The following GALNT10 variants were observed in gnomAD, a reference collection of about 807,000 sequenced individuals.
GALNT10 encodes the protein polypeptide N-acetylgalactosaminyltransferase 10, also known as GalNAc transferase 10.
Under a neutral mutation model 75.0 loss-of-function variants are expected in GALNT10, and 41 were observed. That is an observed-to-expected ratio of 0.55 (90% CI 0.43 to 0.71). GALNT10 has a LOEUF of 0.71. Among genes scored for constraint, GALNT10 ranks in the 30% least tolerant of loss-of-function variants. GALNT10 has a pLI of 0.00. For missense variants in GALNT10, 727 were observed against 818.5 expected, an observed-to-expected ratio of 0.89 and a Z score of 1.36; for synonymous variants, 302 against 313.0, an observed-to-expected ratio of 0.96 and a Z score of 0.37.
intron 4 of GALNT10, among the ~76,000 whole-genome samples, chr5:154,331,554 G>C (rs1036745156): frequency 7.9e-5 from 12 of 152,166 alleles, no homozygotes; most frequent in Non-Finnish European, 1.6e-4. Flanking sequence ...TTAGTTAATA[G>C]ATGTCTATCA....
intron 1 of GALNT10, among the ~76,000 whole-genome samples, chr5:154,236,166 A>G (rs1351693656): frequency 6.6e-6 from 1 of 152,134 alleles, no homozygotes; most frequent in Non-Finnish European, 1.5e-5. Flanking sequence ...CACAGTTCCA[A>G]TCTGTCACTC....
At chr5:154,327,072 C>T (rs1754766260) in intron 3 of GALNT10, among the ~76,000 whole-genome samples, 1 of 151,818 alleles carries the variant, frequency 6.6e-6, no homozygotes, top group South Asian at 2.1e-4. Context: ...CAAAAATTAG[C>T]CAGGCAGAGG....
chr5:154,315,196 C>T (rs1754579139), intron 3 of GALNT10, among the ~76,000 whole-genome samples: 1 of 152,056 alleles, frequency 6.6e-6, no homozygotes, highest in Admixed American at 6.5e-5. Flanking sequence ...TTTTTTAATC[C>T]AGGGAACAGA....
intron 1 of GALNT10, among the ~76,000 whole-genome samples, chr5:154,199,519 A>G (rs1774992779): frequency 6.6e-6 from 1 of 152,188 alleles, no homozygotes; most frequent in Admixed American, 6.5e-5. Flanking sequence ...GCTCCAGTTC[A>G]GGACAGGGAT....
intron 1 of GALNT10, among the ~76,000 whole-genome samples, chr5:154,246,993 G>A (rs1326075735): frequency 6.6e-6 from 1 of 152,170 alleles, no homozygotes; most frequent in African/African-American, 2.4e-5. Context: ...TGTATAAGGT[G>A]TAAGGAAGGG....
chr5:154,197,628 G>T (rs1403385927), intron 1 of GALNT10, among the ~76,000 whole-genome samples: 1 of 152,088 alleles, frequency 6.6e-6, no homozygotes, highest in Non-Finnish European at 1.5e-5. Flanking sequence ...ATGTTAAATT[G>T]TCTTCAGTTT....
At chr5:154,381,457 G>A (rs998015308) in intron 6 of GALNT10, among the ~76,000 whole-genome samples, 7 of 152,196 alleles carry the variant, frequency 4.6e-5, no homozygotes, top group South Asian at 2.1e-4. Flanking sequence ...GTTCTCCTGC[G>A]ACACGTGTGG....
chr5:154,404,531 G>A (rs1756232428), intron 8 of GALNT10, among the ~76,000 whole-genome samples: 1 of 151,958 alleles, frequency 6.6e-6, no homozygotes, highest in Non-Finnish European at 1.5e-5. Flanking sequence ...TGTGACAGAG[G>A]AGACGATCTT....
intron 6 of GALNT10, among the ~76,000 whole-genome samples, chr5:154,384,681 C>A (rs1321236464): frequency 6.6e-6 from 1 of 152,212 alleles, no homozygotes; most frequent in Admixed American, 6.5e-5. Context: ...TTCCGAATTT[C>A]TCACGCCCTG....
chr5:154,263,570 A>G (rs1753732940), intron 1 of GALNT10, among the ~76,000 whole-genome samples: 1 of 152,220 alleles, frequency 6.6e-6, no homozygotes, highest in Non-Finnish European at 1.5e-5. Flanking sequence ...TAGATAGCTT[A>G]TAAACAACAG....
At chr5:154,316,182 C>G (rs567783285) in intron 3 of GALNT10, among the ~76,000 whole-genome samples, 1 of 152,322 alleles carries the variant, frequency 6.6e-6, no homozygotes, top group African/African-American at 2.4e-5. Flanking sequence ...ACTTGCCAAG[C>G]CAACAGGCAC....
chr5:154,410,444 TGGGAGGCTGA>T (rs900205841), intron 9 of GALNT10, among the ~76,000 whole-genome samples: 8 of 151,410 alleles, frequency 5.3e-5, no homozygotes, highest in African/African-American at 1.5e-4. Flanking sequence ...TGCAGCAACT[TGGGAGGCTGA>T]GGCAGGAGAA....
intron 1 of GALNT10, among the ~76,000 whole-genome samples, chr5:154,222,968 A>G (rs892725344): frequency 6.6e-6 from 1 of 152,202 alleles, no homozygotes; most frequent in African/African-American, 2.4e-5. Flanking sequence ...AGGGATAAGT[A>G]AGACATTGAA....
intron 4 of GALNT10, among the ~76,000 whole-genome samples, chr5:154,338,912 G>A (rs1043413932): frequency 6.6e-6 from 1 of 152,224 alleles, no homozygotes; most frequent in Admixed American, 6.5e-5. Flanking sequence ...AGCAGGTATG[G>A]AACCATGGCC....
chr5:154,412,635 A>T lies in GALNT10; in HGVS notation c.1387-254A>T. The T allele has an allele frequency of 2.7e-6, 1 of 370,578 alleles. No individual in the cohort carries two copies. Among genetic ancestry groups the T allele is most frequent in the Non-Finnish European group, 5.0e-6 (1 of 199,062 alleles). 23.0% of individuals were successfully genotyped at this position (370,578 alleles called of 1,614,324 possible). Reference sequence around the variant, plus strand: ...ACCAACTCCTCACCTCCACTCCCCCACCACCAACCCAGGACTCTGCATACT... The same window carrying T: ...ACCAACTCCTCACCTCCACTCCCCCTCCACCAACCCAGGACTCTGCATACT... On this transcript the variant is annotated intron_variant, in intron 9 of 11. Coordinates refer to ENST00000297107, the MANE Select transcript of GALNT10 (RefSeq NM_198321.4). This position sits in a 1 kb window ranked among gnomAD's most constrained non-coding sequence, Gnocchi z 4.2.
intron 7 of GALNT10, chr5:154,392,238 C>T (rs912237304): frequency 1.3e-5 from 2 of 152,354 alleles, no homozygotes; most frequent in Non-Finnish European, 2.9e-5. Flanking sequence ...AGATGGCTCC[C>T]CATGCTGCCT....
At chr5:154,247,606 CTGTT>C (rs1365206293) in intron 1 of GALNT10, among the ~76,000 whole-genome samples, 47 of 152,224 alleles carry the variant, frequency 3.1e-4, no homozygotes, top group African/African-American at 9.4e-4. Context: ...ATTTGGCTCT[CTGTT>C]TGTCTGTTAT....
At chr5:154,203,728 T>G (rs1775062822) in intron 1 of GALNT10, among the ~76,000 whole-genome samples, 1 of 152,202 alleles carries the variant, frequency 6.6e-6, no homozygotes. Flanking sequence ...TGAAGGAGGC[T>G]TCCTAGCAGG....
chr5:154,261,072 A>T (rs1201907715), intron 1 of GALNT10, among the ~76,000 whole-genome samples: 1 of 152,132 alleles, frequency 6.6e-6, no homozygotes, highest in Non-Finnish European at 1.5e-5. Context: ...GGGTGGGGAC[A>T]CCCATTGTTA....
Sources: gnomAD v4.1 joint callset for allele counts (sites outside exome capture counted in the v4.1 genomes callset) on GRCh38, gnomAD v4.1.1 for gene constraint, Gnocchi (gnomAD v3.1) non-coding constraint, MANE v1.5 for transcripts, NCBI Gene and HGNC (gene_info 2026-07-23, HGNC 2026-07-21) for gene names.